Variants in MAPK4 observed in about 807,000 individuals in gnomAD.
The protein encoded by MAPK4 is mitogen-activated protein kinase 4.
MAPK4 carries 22 observed loss-of-function variants against 47.7 expected under a neutral mutation model. The observed-to-expected ratio is 0.46, with a 90% CI of 0.33 to 0.66. MAPK4 has a LOEUF of 0.66. MAPK4 is among the 30% of genes least tolerant of loss of function. The pLI is 0.02. For synonymous variants in MAPK4, 390 were observed against 365.7 expected (o/e 1.07, Z -0.76); for missense variants, 736 against 831.7 (o/e 0.88, Z 1.42).
chr18:50,571,412 T>C (rs769354034), intron 1 of MAPK4, among the ~76,000 whole-genome samples: 1 of 152,170 alleles, frequency 6.6e-6, no homozygotes, highest in Non-Finnish European at 1.5e-5. Flanking sequence ...AAGAGGCAAA[T>C]TTTCTGTTCT....
At chr18:50,696,362 C>T (rs1167224848) in intron 2 of MAPK4, among the ~76,000 whole-genome samples, 1 of 152,240 alleles carries the variant, frequency 6.6e-6, no homozygotes, top group African/African-American at 2.4e-5. Flanking sequence ...GTAACAGCAT[C>T]AGTCCTGAGT....
At chr18:50,684,660 C>T (rs1908770486) in intron 2 of MAPK4, among the ~76,000 whole-genome samples, 1 of 152,158 alleles carries the variant, frequency 6.6e-6, no homozygotes, top group Admixed American at 6.5e-5. Context: ...GGCTTGGACC[C>T]ATTCATTAAC....
Position 50,643,758 on chromosome 18 carries a change from G to A in MAPK4, c.-870-19331G>A, listed in dbSNP as rs1034696505. On this transcript the variant is annotated intron_variant, in intron 1 of 5. Coordinates refer to ENST00000400384, the MANE Select transcript of MAPK4 (RefSeq NM_002747.4). ...ATGGTTTTAGCCCCTCCCACCTGCC[G>A]GTCTTGCCTCTTGTTGACCTCAGTC... 5.3e-5 allele frequency among the ~76,000 whole-genome samples: 8 copies of A among 152,084 alleles called. No homozygotes were observed. The East Asian group carries it at 9.6e-4, about 18-fold the overall frequency.
At chr18:50,565,695 G>C (rs372984453) in intron 1 of MAPK4, among the ~76,000 whole-genome samples, 1 of 152,146 alleles carries the variant, frequency 6.6e-6, no homozygotes, top group Non-Finnish European at 1.5e-5. Context: ...TCCATGTTTA[G>C]ACATATTTAG....
intron 2 of MAPK4, among the ~76,000 whole-genome samples, chr18:50,714,695 ATGGTTACTC>A (rs1272522586): frequency 1.1e-4 from 17 of 152,236 alleles, no homozygotes; most frequent in Non-Finnish European, 2.4e-4. Flanking sequence ...CCAGAGTCTC[ATGGTTACTC>A]TGTTGCTAGC....
chr18:50,716,814 G>A (rs757284103), intron 3 of MAPK4, among the ~76,000 whole-genome samples: 1 of 151,984 alleles, frequency 6.6e-6, no homozygotes, highest in African/African-American at 2.4e-5. Flanking sequence ...CAGGGGCACC[G>A]TCTCCCCTCA....
intron 1 of MAPK4, among the ~76,000 whole-genome samples, chr18:50,647,965 T>C (rs1239378842): frequency 6.6e-6 from 1 of 152,140 alleles, no homozygotes; most frequent in African/African-American, 2.4e-5. Context: ...CCCTGCATCA[T>C]TTTTTATTCA....
intron 2 of MAPK4, among the ~76,000 whole-genome samples, chr18:50,689,313 G>A (rs915472687): frequency 6.3e-4 from 95 of 150,768 alleles, no homozygotes; most frequent in Admixed American, 6.6e-4. Flanking sequence ...CAGGAAAATC[G>A]CTTGAACCCA....
At chr18:50,632,079 C>T (rs2042835694) in intron 1 of MAPK4, among the ~76,000 whole-genome samples, 1 of 152,060 alleles carries the variant, frequency 6.6e-6, no homozygotes, top group Non-Finnish European at 1.5e-5. Context: ...AGGTATGGGC[C>T]CTACTGTGGT....
At chr18:50,725,383 T>C (rs1911137704) in intron 4 of MAPK4, among the ~76,000 whole-genome samples, 1 of 152,188 alleles carries the variant, frequency 6.6e-6, no homozygotes, top group Non-Finnish European at 1.5e-5. Flanking sequence ...TCACTAAGGC[T>C]TTTTACTGCT....
rs1014157969 is a variant in MAPK4, at chr18:50,714,960, G to A, written c.547-119G>A. ...CTCCTTCAAGATCAATGGGAAAGGG[G>A]CAAGAATGAAAGGGACCCTGAAAGA... is the stretch of plus-strand genomic sequence containing the variant. On this transcript the variant is annotated intron_variant, in intron 2 of 5. Coordinates refer to ENST00000400384, the MANE Select transcript of MAPK4 (RefSeq NM_002747.4). 8 of 991,018 alleles carry A rather than the reference G, an allele frequency of 8.1e-6. No individual in the cohort carries two copies. The Admixed American group carries it at 1.2e-4, about 15-fold the overall frequency. 61.4% of individuals were successfully genotyped at this position (991,018 alleles called of 1,614,324 possible). A position where few individuals can be genotyped will look rare whatever the true frequency, so the allele number is the denominator to read the frequency against.
chr18:50,664,031 C>A lies in MAPK4; in HGVS notation c.73C>A (p.Pro25Thr). The A allele has an allele frequency of 6.2e-7, 1 of 1,613,766 alleles. No individual in the cohort carries two copies. The highest frequency in any genetic ancestry group is 8.5e-7 in the Non-Finnish European group (1 of 1,180,026). ...DLGGRFVDFQPLGFGVNGLVL... is the reference protein window; with the variant it reads ...DLGGRFVDFQTLGFGVNGLVL... ...CGGTGGGCGCTTTGTTGACTTCCAA[C>A]CCCTGGGCTTCGGTGTCAATGGTTT... is the stretch of plus-strand genomic sequence containing the variant. Residue 25 changes from proline (P) to threonine (T), a missense_variant, in exon 2 of 6, where the codon CCC becomes ACC. Around this residue, in one of 3 missense-constraint regions of MAPK4, gnomAD observed 327 missense variants for 395.4 expected, o/e 0.83. Coordinates refer to ENST00000400384, the MANE Select transcript of MAPK4 (RefSeq NM_002747.4). This position sits in a 1 kb window ranked among gnomAD's most constrained non-coding sequence, Gnocchi z 6.0.
chr18:50,722,103 C>A lies in MAPK4; in HGVS notation c.853+4C>A. The A allele has an allele frequency of 6.2e-7, 1 of 1,608,424 alleles. No homozygotes were observed. The highest frequency in any genetic ancestry group is 8.5e-7 in the Non-Finnish European group (1 of 1,178,240). ...CTCCCTGAAGTGAACAGTGAAGGTA[C>A]CTGAGCCTGGCAGCCAGGCCAAGTG... On this transcript the variant is annotated splice_donor_region_variant and intron_variant, in intron 4 of 5. Coordinates refer to ENST00000400384, the MANE Select transcript of MAPK4 (RefSeq NM_002747.4).
At position 50,664,316 on chromosome 18, in the gene MAPK4, A is replaced by T; in HGVS notation, c.358A>T (p.Thr120Ser). The part of the protein sequence containing the change: ...TDLARLLEQG[T>S]LAEEHAKLFM... ...CCTGGCACGCCTGCTGGAGCAGGGC[A>T]CGCTGGCAGAAGAGCATGCCAAGCT... The change falls in exon 2 of 6, where the codon ACG becomes TCG. Residue 120 changes from threonine (T) to serine (S), a missense_variant. This residue lies in a region of MAPK4 where 327 missense variants were observed against 395.4 expected (regional missense o/e 0.83). Transcript: ENST00000400384. This position sits in a 1 kb window ranked among gnomAD's most constrained non-coding sequence, Gnocchi z 6.0. The T allele has an allele frequency of 6.2e-7, 1 of 1,613,778 alleles. No homozygotes were observed. The highest frequency in any genetic ancestry group is 8.5e-7 in the Non-Finnish European group (1 of 1,179,956).
At chr18:50,595,822 G>A (rs1044313726) in intron 1 of MAPK4, among the ~76,000 whole-genome samples, 80 of 152,292 alleles carry the variant, frequency 5.3e-4, no homozygotes, top group Non-Finnish European at 2.6e-4. Context: ...TACGTTAGCT[G>A]TGTTTTTCTT....
chr18:50,600,511 G>A (rs1415753571), intron 1 of MAPK4, among the ~76,000 whole-genome samples: 1 of 152,082 alleles, frequency 6.6e-6, no homozygotes, highest in African/African-American at 2.4e-5. Context: ...GAGTGGTGAG[G>A]TGGCTTCTCT....
At chr18:50,598,135 C>A in intron 1 of MAPK4, among the ~76,000 whole-genome samples, 1 of 152,224 alleles carries the variant, frequency 6.6e-6, no homozygotes, top group Non-Finnish European at 1.5e-5. Flanking sequence ...CCAGCTAAAA[C>A]CTCCAAGATA....
intron 1 of MAPK4, among the ~76,000 whole-genome samples, chr18:50,652,516 T>C (rs1024908563): frequency 1.3e-5 from 2 of 152,090 alleles, no homozygotes; most frequent in Non-Finnish European, 2.9e-5. Flanking sequence ...ATAAGACTTG[T>C]GAAATTCTCA....
At chr18:50,710,280 C>T (rs374130355) in intron 2 of MAPK4, among the ~76,000 whole-genome samples, 5 of 151,738 alleles carry the variant, frequency 3.3e-5, no homozygotes, top group East Asian at 1.9e-4. Context: ...CTCAGGAGTT[C>T]GAAACCAGCC....
Sources: gnomAD v4.1 joint callset for allele counts (sites outside exome capture counted in the v4.1 genomes callset) on GRCh38, gnomAD v4.1.1 for gene constraint, gnomAD v4.1.1 regional missense constraint, Gnocchi (gnomAD v3.1) non-coding constraint, MANE v1.5 for transcripts, NCBI Gene and HGNC (gene_info 2026-07-23, HGNC 2026-07-21) for gene names.